Variants in TANGO6 observed in about 807,000 individuals in gnomAD.
The protein encoded by TANGO6 is transport and Golgi organization protein 6 homolog.
In TANGO6, 90 loss-of-function variants were observed where a neutral mutation model predicts 114.2. The observed-to-expected ratio is 0.79, with a 90% CI of 0.66 to 0.94. The LOEUF (loss-of-function observed/expected upper bound fraction) is 0.94, where lower values mean the gene tolerates loss of function less well. Among genes scored for constraint, TANGO6 ranks in the 40% least tolerant of loss-of-function variants. The pLI, the probability that TANGO6 is intolerant of heterozygous loss-of-function variation, is 0.00. For synonymous variants in TANGO6, 477 were observed against 509.8 expected (o/e 0.94, Z 0.87); for missense variants, 1,274 against 1,315.3 (o/e 0.97, Z 0.49).
At chr16:69,072,064 T>TA (rs1235717696) in intron 17 of TANGO6, among the ~76,000 whole-genome samples, 6 of 138,330 alleles carry the variant, frequency 4.3e-5, no homozygotes, top group African/African-American at 1.7e-4. Context: ...TGTGTGTGTG[T>TA]GTGTAGAGAG....
intron 15 of TANGO6, among the ~76,000 whole-genome samples, chr16:68,996,954 T>G (rs971697295): frequency 7.9e-5 from 12 of 151,160 alleles, no homozygotes; most frequent in African/African-American, 2.9e-4. Flanking sequence ...TACTTCAACC[T>G]GGTCCATAGA....
chr16:68,871,488 C>T (rs1466651966), intron 4 of TANGO6, among the ~76,000 whole-genome samples: 1 of 152,048 alleles, frequency 6.6e-6, no homozygotes, highest in Non-Finnish European at 1.5e-5. Flanking sequence ...TTTTTCTGTA[C>T]TCCCCTCAGA....
intron 15 of TANGO6, among the ~76,000 whole-genome samples, chr16:68,979,763 A>G (rs1475155368): frequency 6.6e-6 from 1 of 151,724 alleles, no homozygotes; most frequent in African/African-American, 2.4e-5. Context: ...GATTCCGTGT[A>G]TGTGGAGGGT....
At chr16:68,893,931 C>T (rs1400982983) in intron 7 of TANGO6, among the ~76,000 whole-genome samples, 1 of 151,984 alleles carries the variant, frequency 6.6e-6, no homozygotes, top group Admixed American at 6.6e-5. Context: ...TCACACAACA[C>T]CCAGGTGTTG....
At position 68,974,149 on chromosome 16, in the gene TANGO6, G is replaced by T. The variant is rs199780393; in HGVS notation, c.2823G>T (p.Met941Ile). The T allele has an allele frequency of 9.9e-6, 16 of 1,613,988 alleles. No individual in the cohort carries two copies. The highest frequency in any genetic ancestry group is 1.3e-5 in the Non-Finnish European group (15 of 1,179,890). Residue 941 changes from methionine (M) to isoleucine (I), a missense_variant, in exon 15 of 18, where the codon ATG becomes ATT. This residue lies in a region of TANGO6 where 238 missense variants were observed against 252.9 expected (regional missense o/e 0.94). Coordinates refer to ENST00000261778, the MANE Select transcript of TANGO6 (RefSeq NM_024562.2). ...GAATGAAAGTCGGGGAAGTCCTTATGCGAATCGTCAGGGCATTAGGTGAGT... is the reference window on the plus strand; with the variant it reads ...GAATGAAAGTCGGGGAAGTCCTTATTCGAATCGTCAGGGCATTAGGTGAGT... Reference protein sequence around the residue: ...ETRMKVGEVLMRIVRALGDMV... With the variant: ...ETRMKVGEVLIRIVRALGDMV...
chr16:69,075,763 T>C (rs1000235229), intron 17 of TANGO6, among the ~76,000 whole-genome samples: 1 of 130,948 alleles, frequency 7.6e-6, no homozygotes, highest in Admixed American at 7.5e-5. Context: ...TGAATTCAAC[T>C]TTTTTTTTTT....
At chr16:68,884,146 G>T (rs1478803236) in intron 7 of TANGO6, among the ~76,000 whole-genome samples, 1 of 152,186 alleles carries the variant, frequency 6.6e-6, no homozygotes, top group South Asian at 2.1e-4. Context: ...CTGACCTCAA[G>T]CAATCCCCCT....
intron 17 of TANGO6, 24 bp from the exon 18 acceptor site, chr16:69,083,461 G>T: frequency 6.3e-7 from 1 of 1,594,030 alleles, no homozygotes; most frequent in Non-Finnish European, 8.6e-7. Context: ...TAGACAGGCG[G>T]TCATGGCTGT....
At chr16:68,914,664 C>T (rs1962973700) in intron 11 of TANGO6, among the ~76,000 whole-genome samples, 1 of 152,096 alleles carries the variant, frequency 6.6e-6, no homozygotes, top group African/African-American at 2.4e-5. Context: ...CCACTGTCCA[C>T]AACATATATA....
chr16:68,850,667 C>T (rs1369662718), intron 1 of TANGO6, among the ~76,000 whole-genome samples: 5 of 152,186 alleles, frequency 3.3e-5, no homozygotes, highest in African/African-American at 7.2e-5. Flanking sequence ...TTGAGCTTTG[C>T]GGCCCATATG....
chr16:68,969,754 T>C (rs961140290), intron 14 of TANGO6, among the ~76,000 whole-genome samples: 1 of 152,138 alleles, frequency 6.6e-6, no homozygotes, highest in Non-Finnish European at 1.5e-5. Context: ...ATTATTTTAA[T>C]TGAAAAACAG....
intron 17 of TANGO6, 84 bp from the exon 18 acceptor site, chr16:69,083,401 T>A (rs190626912): frequency 6.8e-7 from 1 of 1,462,486 alleles, no homozygotes; most frequent in Admixed American, 2.3e-5. Context: ...ACAGATCTCC[T>A]CAGGCAGGAG....
At chr16:68,856,107 G>C (rs1026473353) in intron 1 of TANGO6, among the ~76,000 whole-genome samples, 8 of 151,992 alleles carry the variant, frequency 5.3e-5, no homozygotes, top group African/African-American at 1.9e-4. Flanking sequence ...TTCTGCTCTT[G>C]TATGTCTTTT....
At chr16:68,853,677 G>A (rs1298921693) in intron 1 of TANGO6, among the ~76,000 whole-genome samples, 1 of 152,154 alleles carries the variant, frequency 6.6e-6, no homozygotes, top group Non-Finnish European at 1.5e-5. Flanking sequence ...GGAATTGCTG[G>A]ATTATAGGGT....
intron 1 of TANGO6, among the ~76,000 whole-genome samples, chr16:68,854,683 T>G (rs1656039441): frequency 6.6e-6 from 1 of 152,054 alleles, no homozygotes; most frequent in South Asian, 2.1e-4. Flanking sequence ...TAAAGGAATT[T>G]TCTTTCCCAG....
rs558042703 is a variant in TANGO6, at chr16:68,974,427, C to T, written c.2842+259C>T. 2.4e-4 allele frequency among the ~76,000 whole-genome samples: 37 copies of T among 152,126 alleles called. 1 individual carries two copies. In the East Asian group the frequency reaches 6.0e-3, roughly 25 times the overall value. On this transcript the variant is annotated intron_variant, in intron 15 of 17. Transcript: ENST00000261778. ...CTGTAATCCCAGCACTTTGGGAGGCCGAGGCAGGTGGATCACCTGAGGTCA... is the reference window on the plus strand; with the variant it reads ...CTGTAATCCCAGCACTTTGGGAGGCTGAGGCAGGTGGATCACCTGAGGTCA...
rs1344791530 is a variant in TANGO6, at chr16:68,860,252, T to C, written c.463T>C (p.Leu155=). 1.2e-6 allele frequency: 2 copies of C among 1,613,894 alleles called. No homozygotes were observed. Among genetic ancestry groups the C allele is most frequent in the Admixed American group, 1.7e-5 (1 of 60,000 alleles). The change falls in exon 2 of 18, where the codon TTG becomes CTG. Residue 155 remains leucine (L), a synonymous_variant. Coordinates refer to ENST00000261778, the MANE Select transcript of TANGO6 (RefSeq NM_024562.2). ...GTTCGTTTTGCAGTTTGTAGTTACC[T>C]TGGGTATCTGCCCCTATCTCATGCC... ...VQFVLQFVVT[L]GICPYLMPGV...
rs1402694890 is a variant in TANGO6, at chr16:69,012,562, AAAAAAAAAAAAAAAAAGG to A, written c.2843-10251_2843-10234del. 6.3e-4 allele frequency among the ~76,000 whole-genome samples: 92 copies of A among 146,080 alleles called. 1 individual carries two copies. The highest frequency in any genetic ancestry group is 3.5e-3 in the Middle Eastern group (1 of 286). Reference sequence around the variant, plus strand: ...CAAGAGCGAAACTCTGTCTCAAAAAAAAAAAAAAAAAAAAAAGGAAAAAAAAAAAAAAGAAAGAAATAC... The same window carrying A: ...CAAGAGCGAAACTCTGTCTCAAAAAAAAAAAAAAAAAAAAGAAAGAAATAC... On this transcript the variant is annotated intron_variant, in intron 15 of 17. Transcript: ENST00000261778.
chr16:68,856,540 AG>A (rs955590777), intron 1 of TANGO6, among the ~76,000 whole-genome samples: 1 of 152,204 alleles, frequency 6.6e-6, no homozygotes, highest in African/African-American at 2.4e-5. Flanking sequence ...TTTTTAGAAC[AG>A]CTTTTGGTTT....
Sources: allele counts gnomAD v4.1 joint callset (sites outside exome capture counted in the v4.1 genomes callset), GRCh38; gene constraint gnomAD v4.1.1; regional missense constraint gnomAD v4.1.1; transcripts MANE v1.5; gene names NCBI Gene and HGNC (gene_info 2026-07-23, HGNC 2026-07-21).